Variants in CAPN13 observed in about 807,000 individuals in gnomAD.
CAPN13 encodes the protein calpain 13.
CAPN13 carries 90 observed loss-of-function variants against 98.4 expected under a neutral mutation model. The observed-to-expected ratio is 0.92, with a 90% confidence interval of 0.77 to 1.09. The LOEUF (loss-of-function observed/expected upper bound fraction) is 1.09. Ranked by LOEUF, CAPN13 falls within the 50% of genes least tolerant of loss-of-function variation. The probability of loss-of-function intolerance (pLI) is 0.00; values close to 1 mark genes in which losing one functional copy is unlikely to be tolerated. For missense variants in CAPN13, 887 were observed against 841.3 expected (o/e 1.05, Z -0.67); for synonymous variants, 330 against 305.5 (o/e 1.08, Z -0.84).
chr2:30,766,370 C>A (rs763740465), intron 5 of CAPN13, among the ~76,000 whole-genome samples: 38 of 152,224 alleles, frequency 2.5e-4, no homozygotes, highest in South Asian at 6.2e-4. Context: ...GGCTAGAGCC[C>A]TTTGGTGTCT....
At position 30,764,176 on chromosome 2, in the gene CAPN13, C is replaced by T. The variant is rs1672991030; in HGVS notation, c.655G>A (p.Ala219Thr). The change falls in exon 6 of 23, where the codon GCG becomes ACG. Residue 219 changes from alanine to threonine, a missense_variant. Physicochemically the swap from Ala to Thr is moderately conservative, Grantham distance 58. Transcript: ENST00000295055. ...PVDLVKAVKT[A>T]TKAGSLITCA... is the part of the protein sequence containing the mutation. Reference sequence around the variant, plus strand: ...GTTATCAGGGAGCCTGCCTTGGTCGCTGTCTTCACTGCCTTCACCAGGTCC... The same window carrying T: ...GTTATCAGGGAGCCTGCCTTGGTCGTTGTCTTCACTGCCTTCACCAGGTCC... 5 of 1,599,420 alleles carry T rather than the reference C, an allele frequency of 3.1e-6. No individual in the cohort carries two copies. The South Asian group carries it at 5.7e-5, about 18-fold the overall frequency.
intron 7 of CAPN13, among the ~76,000 whole-genome samples, chr2:30,758,528 C>T (rs1307282141): frequency 6.6e-6 from 1 of 152,164 alleles, no homozygotes; most frequent in African/African-American, 2.4e-5. Context: ...GGCATCTGTT[C>T]CACAGACGCA....
chr2:30,771,993 TA>T (rs1294266986), intron 4 of CAPN13, among the ~76,000 whole-genome samples: 9 of 152,214 alleles, frequency 5.9e-5, no homozygotes, highest in African/African-American at 2.2e-4. Context: ...AGTAGGACAT[TA>T]AGAATGAGTA....
rs1292172006 is a variant in CAPN13 at position 30,807,299 on chromosome 2, T to C, written c.-33+3A>G. The C allele has an allele frequency of 2.0e-5, 3 of 152,250 alleles. No individual in the cohort carries two copies. The highest frequency in any genetic ancestry group is 4.4e-5 in the Non-Finnish European group (3 of 68,102). The allele number at this position is 152,250 out of a possible 1,614,324, so 9.4% of individuals were successfully genotyped here. On this transcript the variant is annotated splice_donor_region_variant and intron_variant, in intron 1 of 22. Coordinates refer to ENST00000295055, the MANE Select transcript of CAPN13 (RefSeq NM_144575.3). ...CTCTGGGACATGACCACGCACAACT[T>C]ACCTGTTTCCTAGGCAGGTGTGTCT...
chr2:30,781,095 G>A (rs1042537058), intron 2 of CAPN13, among the ~76,000 whole-genome samples: 9 of 152,228 alleles, frequency 5.9e-5, no homozygotes, highest in African/African-American at 2.2e-4. Context: ...TGATTTCACA[G>A]GTCATTCAGA....
chr2:30,794,938 TTGAG>T lies in CAPN13; in HGVS notation c.-32-7585_-32-7582del, dbSNP rs199722071. On this transcript the variant is annotated intron_variant, in intron 1 of 22. Coordinates refer to ENST00000295055, the MANE Select transcript of CAPN13 (RefSeq NM_144575.3). ...TGGGGGTGATAGAAATATTTTCATC[TTGAG>T]TGTCATGATGATTTCACATGTGTAT... Among the ~76,000 whole-genome samples the T allele has an allele frequency of 5.0e-3, 762 of 152,072 alleles. 7 individuals carry two copies. Among genetic ancestry groups the T allele is most frequent in the African/African-American group, 0.017 (723 of 41,560 alleles).
intron 1 of CAPN13, among the ~76,000 whole-genome samples, chr2:30,795,649 A>G (rs950547708): frequency 6.6e-6 from 1 of 152,060 alleles, no homozygotes; most frequent in African/African-American, 2.4e-5. Context: ...CACTCTGGAT[A>G]TTCGTCTTTT....
chr2:30,738,318 C>CT, intron 16 of CAPN13, 25 bp from the exon 17 acceptor site: 1 of 1,613,826 alleles, frequency 6.2e-7, no homozygotes, highest in African/African-American at 1.3e-5. Context: ...ACAGGAAGGA[C>CT]TGAAGTGTTG....
At chr2:30,792,280 GA>G (rs1558344476) in intron 1 of CAPN13, among the ~76,000 whole-genome samples, 1 of 152,040 alleles carries the variant, frequency 6.6e-6, no homozygotes, top group Non-Finnish European at 1.5e-5. Flanking sequence ...CTGCTTCTTT[GA>G]AAAGATCAAC....
intron 1 of CAPN13, among the ~76,000 whole-genome samples, chr2:30,802,335 G>A (rs1379353861): frequency 1.3e-5 from 2 of 152,076 alleles, no homozygotes; most frequent in African/African-American, 4.8e-5. Context: ...AAGCAGATGG[G>A]GTCCCATCTC....
chr2:30,804,652 C>T (rs929794937), intron 1 of CAPN13, among the ~76,000 whole-genome samples: 2 of 152,154 alleles, frequency 1.3e-5, no homozygotes, highest in Non-Finnish European at 2.9e-5. Flanking sequence ...AAACACTTGA[C>T]CAAAAGATAG....
chr2:30,752,345 C>A (rs1015195499), intron 10 of CAPN13, among the ~76,000 whole-genome samples: 1 of 152,192 alleles, frequency 6.6e-6, no homozygotes, highest in African/African-American at 2.4e-5. Flanking sequence ...GATATATAAG[C>A]ACACTCTTGT....
chr2:30,805,666 C>G (rs981784774), intron 1 of CAPN13, among the ~76,000 whole-genome samples: 3 of 151,580 alleles, frequency 2.0e-5, no homozygotes, highest in African/African-American at 7.3e-5. Flanking sequence ...AAGGAGCATG[C>G]CCCAAATCAC....
intron 19 of CAPN13, 27 bp downstream of exon 19, chr2:30,734,422 A>T (rs1671255009): frequency 1.3e-6 from 2 of 1,596,740 alleles, no homozygotes; most frequent in Non-Finnish European, 1.7e-6. Flanking sequence ...GACCTTGGGC[A>T]CCACAGCTCC....
intron 2 of CAPN13, 87 bp from the exon 3 acceptor site, chr2:30,777,726 G>A (rs1673775846): frequency 8.8e-6 from 10 of 1,134,218 alleles, no homozygotes; most frequent in African/African-American, 3.1e-5. Context: ...TTCAAGGGTC[G>A]AGGTTAATTC....
At chr2:30,728,787 AT>A (rs1407623543) in intron 22 of CAPN13, among the ~76,000 whole-genome samples, 1 of 152,208 alleles carries the variant, frequency 6.6e-6, no homozygotes, top group African/African-American at 2.4e-5. Context: ...TTTGAGGGAT[AT>A]GAGTAGATAT....
chr2:30,753,873 G>T (rs1373976372), intron 9 of CAPN13, among the ~76,000 whole-genome samples: 1 of 152,098 alleles, frequency 6.6e-6, no homozygotes, highest in Non-Finnish European at 1.5e-5. Flanking sequence ...TGAAGTCCAT[G>T]TCTCACCCAG....
chr2:30,745,505 G>A (rs534742367), intron 12 of CAPN13, among the ~76,000 whole-genome samples: 26 of 152,332 alleles, frequency 1.7e-4, no homozygotes, highest in African/African-American at 6.0e-4. Context: ...GTTAGCAAGA[G>A]AACAGCTCAA....
intron 15 of CAPN13, among the ~76,000 whole-genome samples, chr2:30,738,952 G>C (rs1211198997): frequency 6.6e-6 from 1 of 152,264 alleles, no homozygotes; most frequent in Non-Finnish European, 1.5e-5. Context: ...TGGGCTAAGA[G>C]AAACTGCTAT....
Sources: gnomAD v4.1 joint callset for allele counts (sites outside exome capture counted in the v4.1 genomes callset) on GRCh38, gnomAD v4.1.1 for gene constraint, MANE v1.5 for transcripts, NCBI Gene and HGNC (gene_info 2026-07-23, HGNC 2026-07-21) for gene names.